The following FAM118A variants were observed in gnomAD, a reference collection of about 807,000 sequenced individuals.
FAM118A encodes the protein protein FAM118A.
Under a neutral mutation model 38.2 loss-of-function variants are expected in FAM118A, and 25 were observed. That is an observed-to-expected ratio of 0.65 (90% confidence interval 0.48 to 0.91). The LOEUF (loss-of-function observed/expected upper bound fraction) is 0.91, where lower values mean the gene tolerates loss of function less well. Ranked by LOEUF, FAM118A falls within the 40% of genes least tolerant of loss-of-function variation. The pLI is 0.00. For synonymous variants in FAM118A, 178 were observed against 184.1 expected (o/e 0.97, Z 0.27); for missense variants, 425 against 463.3 (o/e 0.92, Z 0.76).
In FAM118A at chr22:45,338,226, G is replaced by A. The variant is rs539335811; in HGVS notation, c.1054+1815G>A. 1.3e-4 allele frequency among the ~76,000 whole-genome samples: 17 copies of A among 135,850 alleles called. No individual in the cohort carries two copies. The South Asian group carries it at 3.0e-3, about 24-fold the overall frequency. 89.1% of individuals were successfully genotyped at this position (135,850 alleles called of 152,430 possible). A position where few individuals can be genotyped will look rare whatever the true frequency, so the allele number is the denominator to read the frequency against. ...TTCCACCGTCTTTTAAGTTTTCTCT[G>A]ATGTCTTTTTTTTTATTTTTTGAGA... On this transcript the variant is annotated intron_variant, in intron 8 of 8. Coordinates refer to ENST00000441876, the MANE Select transcript of FAM118A (RefSeq NM_017911.4).
intron 8 of FAM118A, among the ~76,000 whole-genome samples, chr22:45,337,624 C>T (rs1327366158): frequency 2.6e-5 from 4 of 152,034 alleles, no homozygotes; most frequent in African/African-American, 9.7e-5. Context: ...AGTATGCATT[C>T]TCTTCATCCT....
intron 1 of FAM118A, among the ~76,000 whole-genome samples, chr22:45,321,402 TTTTATTTTTTA>T (rs2066290030): frequency 6.6e-6 from 1 of 151,982 alleles, no homozygotes; most frequent in Non-Finnish European, 1.5e-5. Context: ...TTTGGAAAAT[TTTTATTTTTTA>T]TTTATTTTTT....
intron 3 of FAM118A, among the ~76,000 whole-genome samples, chr22:45,324,938 T>G (rs764664448): frequency 1.3e-5 from 2 of 152,168 alleles, no homozygotes; most frequent in Non-Finnish European, 2.9e-5. Flanking sequence ...TCCCAGCTAC[T>G]CAGGAGGCTG....
rs777528475 is a variant in FAM118A, at chr22:45,323,352, C to T, written c.225C>T (p.Ala75=). The T allele has an allele frequency of 1.1e-5, 18 of 1,614,022 alleles. No individual in the cohort carries two copies. Among genetic ancestry groups the T allele is most frequent in the East Asian group, 4.5e-5 (2 of 44,896 alleles). ...AGGTGCTGCACCCCGGAGACGTCGC[C>T]GAGTTCCGGAGGAAAGTGACAAAGG... The part of the protein sequence containing the change: ...QLEVLHPGDV[A]EFRRKVTKDR... Residue 75 remains alanine (A), a synonymous_variant, in exon 3 of 9, where the codon GCC becomes GCT. Transcript: ENST00000441876.
At position 45,340,702 on chromosome 22, in the gene FAM118A, T is replaced by A. The variant is rs1602026857; in HGVS notation, c.*297T>A. The A allele has an allele frequency of 2.2e-5, 10 of 461,886 alleles. No individual in the cohort carries two copies. In the South Asian group the frequency reaches 4.5e-4, roughly 21 times the overall value. 28.6% of individuals were successfully genotyped at this position (461,886 alleles called of 1,614,324 possible). ...GATGGACCTGGTGTTCCCGTTCCCA[T>A]CTGACAGGCTCTCTTTTGTCAAGGT... On this transcript the variant is annotated 3_prime_UTR_variant, in exon 9 of 9. Transcript: ENST00000441876.
In FAM118A at chr22:45,327,940, G is replaced by A. The variant is rs140992687; in HGVS notation, c.399G>A (p.Ser133=). Residue 133 remains serine (S), a synonymous_variant, in exon 4 of 9, where the codon TCG becomes TCA. Transcript: ENST00000441876. ...TCCGGAGTCCTGTGGTGCTGCAGTC[G>A]ATCCTCAGCCTGATGGACAGGGGCG... ...QHIRSPVVLQ[S]ILSLMDRGAM... is the part of the protein sequence containing the mutation. 2.5e-4 allele frequency: 398 copies of A among 1,614,138 alleles called. 1 individual carries two copies. Among genetic ancestry groups the A allele is most frequent in the Middle Eastern group, 2.1e-3 (13 of 6,060 alleles).
chr22:45,326,824 CAAAAAAAAAAAA>C (rs36188767), intron 3 of FAM118A, among the ~76,000 whole-genome samples: 1 of 40,468 alleles, frequency 2.5e-5, no homozygotes, highest in South Asian at 9.6e-4. Flanking sequence ...GACTCTGTCT[CAAAAAAAAAAAA>C]AAAAAAAAAA....
intron 1 of FAM118A, among the ~76,000 whole-genome samples, chr22:45,311,906 G>T (rs572826555): frequency 6.6e-6 from 1 of 152,008 alleles, no homozygotes; most frequent in Non-Finnish European, 1.5e-5. Flanking sequence ...TCCTATTACC[G>T]TAGGGTCTGT....
rs565998050 is a variant in FAM118A, at chr22:45,315,498, A to G, written c.-10+5315A>G. 3.3e-5 allele frequency among the ~76,000 whole-genome samples: 5 copies of G among 152,338 alleles called. No homozygotes were observed. The South Asian group carries it at 1.0e-3, about 32-fold the overall frequency. On this transcript the variant is annotated intron_variant, in intron 1 of 8. Coordinates refer to ENST00000441876, the MANE Select transcript of FAM118A (RefSeq NM_017911.4). ...TGCTAGCGTGAGGCGGTTGAGAGTA[A>G]CAGACACTGTACACTTTATTAAGTG...
In FAM118A at chr22:45,323,238, C is replaced by G; in HGVS notation, c.111C>G (p.Gly37=). ...PQELLLVIGT[G]VSAAVAPGIP... is the part of the protein sequence containing the mutation. Reference sequence around the variant, plus strand: ...AACTGCTCCTGGTTATCGGGACTGGCGTCAGCGCAGCAGTGGCCCCCGGAA... The same window carrying G: ...AACTGCTCCTGGTTATCGGGACTGGGGTCAGCGCAGCAGTGGCCCCCGGAA... Residue 37 remains glycine, a synonymous_variant, in exon 3 of 9, where the codon GGC becomes GGG. Coordinates refer to ENST00000441876, the MANE Select transcript of FAM118A (RefSeq NM_017911.4). The G allele has an allele frequency of 1.2e-6, 2 of 1,614,206 alleles. No individual in the cohort carries two copies. Among genetic ancestry groups the G allele is most frequent in the Non-Finnish European group, 1.7e-6 (2 of 1,180,030 alleles).
intron 3 of FAM118A, 65 bp from the exon 4 acceptor site, chr22:45,327,776 CT>C: frequency 6.5e-7 from 1 of 1,533,360 alleles, no homozygotes; most frequent in African/African-American, 1.4e-5. Flanking sequence ...AGAAAATGGC[CT>C]GCTTAGGTGC....
Position 45,334,412 on chromosome 22 carries a change from G to A in FAM118A, c.938-938G>A, listed in dbSNP as rs556700234. 3.3e-5 allele frequency among the ~76,000 whole-genome samples: 5 copies of A among 152,298 alleles called. No homozygotes were observed. In the East Asian group the frequency reaches 7.7e-4, roughly 23 times the overall value. On this transcript the variant is annotated intron_variant, in intron 6 of 8. Transcript: ENST00000441876. ...CAGAGAATGCACAGATAATCCAATCGCTAAAGTTTTTGTTGTTTTTTTAAC... is the reference window on the plus strand; with the variant it reads ...CAGAGAATGCACAGATAATCCAATCACTAAAGTTTTTGTTGTTTTTTTAAC...
In FAM118A at chr22:45,316,568, T is replaced by C. The variant is rs772201736; in HGVS notation, c.-9-5803T>C. On this transcript the variant is annotated intron_variant, in intron 1 of 8. Transcript: ENST00000441876. ...AGGCTCCCGGTCTTCCAGAGCTGCC[T>C]TGGTGTAGTCAGAATGCAGTGGATA... Among the ~76,000 whole-genome samples the C allele has an allele frequency of 1.0e-3, 152 of 152,330 alleles. 2 individuals carry two copies. Among genetic ancestry groups the C allele is most frequent in the Non-Finnish European group, 1.8e-3 (122 of 68,026 alleles).
At chr22:45,334,083 C>T (rs1039654292) in intron 6 of FAM118A, among the ~76,000 whole-genome samples, 5 of 152,142 alleles carry the variant, frequency 3.3e-5, no homozygotes, top group Non-Finnish European at 5.9e-5. Context: ...TCTTTTTTCA[C>T]GTAATGTATT....
rs761500297 is a variant in FAM118A, at chr22:45,332,564, T to C, written c.791T>C (p.Leu264Pro). The C allele has an allele frequency of 6.2e-7, 1 of 1,614,204 alleles. No individual in the cohort carries two copies. Among genetic ancestry groups the C allele is most frequent in the South Asian group, 1.1e-5 (1 of 91,088 alleles). ...KVDLEHYMLVLKENEDHFFKH... is the reference protein window; with the variant it reads ...KVDLEHYMLVPKENEDHFFKH... ...GATTTGGAGCACTACATGCTTGTGC[T>C]GAAGGAGAATGAAGACCATTTCTTT... The change falls in exon 6 of 9, where the codon CTG becomes CCG. Residue 264 changes from leucine (L) to proline (P), a missense_variant. Leu to Pro is a moderately conservative substitution (Grantham distance 98). Coordinates refer to ENST00000441876, the MANE Select transcript of FAM118A (RefSeq NM_017911.4).
At chr22:45,334,087 A>G (rs899853874) in intron 6 of FAM118A, among the ~76,000 whole-genome samples, 1 of 152,172 alleles carries the variant, frequency 6.6e-6, no homozygotes, top group Non-Finnish European at 1.5e-5. Context: ...TTTTCACGTA[A>G]TGTATTTTCC....
At chr22:45,313,821 C>T (rs1263490527) in intron 1 of FAM118A, among the ~76,000 whole-genome samples, 5 of 152,098 alleles carry the variant, frequency 3.3e-5, no homozygotes, top group South Asian at 4.2e-4. Flanking sequence ...TTGTGGCCGC[C>T]GAACACTGAA....
intron 7 of FAM118A, 129 bp from the exon 8 acceptor site, chr22:45,336,199 T>G: frequency 1.6e-6 from 1 of 625,598 alleles, no homozygotes; most frequent in Non-Finnish European, 2.8e-6. Context: ...AGCCGTAGCG[T>G]GGTTGATGTC....
rs545993440 is a variant in FAM118A, at chr22:45,327,280, A to G, written c.301-562A>G. Among the ~76,000 whole-genome samples the G allele has an allele frequency of 2.6e-5, 4 of 152,040 alleles. No individual in the cohort carries two copies. In the South Asian group the frequency reaches 8.4e-4, roughly 32 times the overall value. On this transcript the variant is annotated intron_variant, in intron 3 of 8. Coordinates refer to ENST00000441876, the MANE Select transcript of FAM118A (RefSeq NM_017911.4). ...AAAAAGAAACACTGCCTCCCGCCTC[A>G]TTGAAGGTGCCACGAAGACACGCTG...
Sources: gnomAD v4.1 joint callset for allele counts (sites outside exome capture counted in the v4.1 genomes callset) on GRCh38, gnomAD v4.1.1 for gene constraint, MANE v1.5 for transcripts, NCBI Gene and HGNC (gene_info 2026-07-23, HGNC 2026-07-21) for gene names.